Variants in IQCJ observed in about 807,000 individuals in gnomAD.
IQCJ encodes IQ motif containing J, also known as IQ domain-containing protein J.
A neutral mutation model predicts 11.0 loss-of-function variants in IQCJ; 9 were observed. The observed-to-expected ratio is 0.82, with a 90% confidence interval of 0.49 to 1.43. The LOEUF (loss-of-function observed/expected upper bound fraction) is 1.43. IQCJ is among the 40% of genes most tolerant of loss of function. The pLI is 0.00. For synonymous variants in IQCJ, 55 were observed against 51.3 expected, an observed-to-expected ratio of 1.07 and a Z score of -0.31; for missense variants, 146 against 133.2, an observed-to-expected ratio of 1.10 and a Z score of -0.47.
intron 1 of IQCJ, among the ~76,000 whole-genome samples, chr3:159,092,340 C>G (rs1717372392): frequency 6.6e-6 from 1 of 151,838 alleles, no homozygotes. Flanking sequence ...AACATAGCAT[C>G]CAAATGCACT....
chr3:159,218,018 TATA>T (rs756252332), intron 1 of IQCJ, among the ~76,000 whole-genome samples: 35 of 117,624 alleles, frequency 3.0e-4, no homozygotes, highest in Non-Finnish European at 5.3e-4. Context: ...AACAACAATA[TATA>T]ATAATATTAT....
chr3:159,092,343 A>G (rs983984174), intron 1 of IQCJ, among the ~76,000 whole-genome samples: 2 of 151,866 alleles, frequency 1.3e-5, no homozygotes, highest in African/African-American at 2.4e-5. Context: ...ATAGCATCCA[A>G]ATGCACTATG....
At chr3:159,143,239 G>A (rs1720731575) in intron 1 of IQCJ, among the ~76,000 whole-genome samples, 1 of 152,134 alleles carries the variant, frequency 6.6e-6, no homozygotes, top group Non-Finnish European at 1.5e-5. Flanking sequence ...TCCACAGCAG[G>A]ACCACATTTA....
At chr3:159,116,702 CTTTTA>C (rs1358212079) in intron 1 of IQCJ, among the ~76,000 whole-genome samples, 6 of 133,314 alleles carry the variant, frequency 4.5e-5, no homozygotes, top group South Asian at 2.4e-4. Flanking sequence ...CATCTGCTCT[CTTTTA>C]TTTTATTTTG....
chr3:159,145,001 T>C (rs1331502429), intron 1 of IQCJ, among the ~76,000 whole-genome samples: 1 of 150,980 alleles, frequency 6.6e-6, no homozygotes, highest in Non-Finnish European at 1.5e-5. Flanking sequence ...TCTTTTTCCT[T>C]TTCTTTTGCT....
rs1434977785 is a variant in IQCJ at position 159,219,288 on chromosome 3, A to AT, written c.10-26548dup. Reference sequence around the variant, plus strand: ...GAGGAAATAAAACTACAGACTCAGAATTTTTTTCAAACTTAGAATTTAAAA... The same window carrying AT: ...GAGGAAATAAAACTACAGACTCAGAATTTTTTTTCAAACTTAGAATTTAAAA... On this transcript the variant is annotated intron_variant, in intron 1 of 3. Transcript: ENST00000397832. Among the ~76,000 whole-genome samples the AT allele has an allele frequency of 3.3e-5, 5 of 152,014 alleles. No individual in the cohort carries two copies. In the East Asian group the frequency reaches 9.7e-4, roughly 29 times the overall value.
At chr3:159,204,547 G>A (rs1724537082) in intron 1 of IQCJ, among the ~76,000 whole-genome samples, 2 of 152,216 alleles carry the variant, frequency 1.3e-5, no homozygotes, top group African/African-American at 4.8e-5. Flanking sequence ...AGTGGAAGCT[G>A]TTAGTTTATC....
chr3:159,108,501 A>G (rs1157865140), intron 1 of IQCJ, among the ~76,000 whole-genome samples: 1 of 152,226 alleles, frequency 6.6e-6, no homozygotes. Context: ...AAAATAGGTG[A>G]TGAGAAAAGA....
chr3:159,189,895 C>T (rs2108037063), intron 1 of IQCJ, among the ~76,000 whole-genome samples: 1 of 152,280 alleles, frequency 6.6e-6, no homozygotes, highest in Admixed American at 6.5e-5. Context: ...TGATCTCTCC[C>T]TCCTCAAGTC....
At chr3:159,165,788 A>ATTTTTTT (rs35878681) in intron 1 of IQCJ, among the ~76,000 whole-genome samples, 3 of 106,518 alleles carry the variant, frequency 2.8e-5, no homozygotes, top group African/African-American at 3.6e-5. Flanking sequence ...TAATTTTTGT[A>ATTTTTTT]TTTTTTTTTT....
chr3:159,227,785 C>T (rs1051177588), intron 1 of IQCJ, among the ~76,000 whole-genome samples: 2 of 152,188 alleles, frequency 1.3e-5, no homozygotes, highest in South Asian at 2.1e-4. Flanking sequence ...AATGCATTTT[C>T]GGAAGAGCCT....
At chr3:159,160,460 G>T (rs572256475) in intron 1 of IQCJ, among the ~76,000 whole-genome samples, 1 of 151,600 alleles carries the variant, frequency 6.6e-6, no homozygotes, top group African/African-American at 2.4e-5. Context: ...GTGCCATCAC[G>T]CCCAGCTGAT....
intron 1 of IQCJ, among the ~76,000 whole-genome samples, chr3:159,078,191 A>C (rs1186243770): frequency 2.4e-5 from 2 of 82,972 alleles, no homozygotes; most frequent in African/African-American, 6.0e-5. Flanking sequence ...AGGACTTATT[A>C]ATGCTAAACA....
At chr3:159,239,471 A>T (rs1383252873) in intron 1 of IQCJ, among the ~76,000 whole-genome samples, 3 of 152,246 alleles carry the variant, frequency 2.0e-5, no homozygotes, top group Non-Finnish European at 4.4e-5. Context: ...GAGAAAAAAA[A>T]AATAGAAGAA....
At chr3:159,073,208 C>T (rs373923642) in intron 1 of IQCJ, among the ~76,000 whole-genome samples, 3 of 152,038 alleles carry the variant, frequency 2.0e-5, no homozygotes, top group East Asian at 3.9e-4. Context: ...GGGGGCTCCC[C>T]GAAAGAGCAT....
chr3:159,162,772 C>T (rs1446966019), intron 1 of IQCJ, among the ~76,000 whole-genome samples: 6 of 152,128 alleles, frequency 3.9e-5, no homozygotes, highest in African/African-American at 7.2e-5. Flanking sequence ...ATACAAACTA[C>T]CGTCAGAGAA....
chr3:159,183,568 T>A (rs1178809692), intron 1 of IQCJ, among the ~76,000 whole-genome samples: 1 of 152,212 alleles, frequency 6.6e-6, no homozygotes, highest in Non-Finnish European at 1.5e-5. Flanking sequence ...CAAGGTTAGC[T>A]AGGCTTGACA....
At chr3:159,234,964 T>C (rs1726490559) in intron 1 of IQCJ, among the ~76,000 whole-genome samples, 1 of 152,220 alleles carries the variant, frequency 6.6e-6, no homozygotes, top group African/African-American at 2.4e-5. Context: ...ATAAACAATT[T>C]GGGAGTTACA....
intron 1 of IQCJ, among the ~76,000 whole-genome samples, chr3:159,149,393 G>C (rs1432674120): frequency 6.6e-6 from 1 of 152,152 alleles, no homozygotes; most frequent in Admixed American, 6.6e-5. Flanking sequence ...TATTAGATGT[G>C]AACAGCTTCT....
Sources: allele counts gnomAD v4.1 joint callset (sites outside exome capture counted in the v4.1 genomes callset), GRCh38; gene constraint gnomAD v4.1.1; transcripts MANE v1.5; gene names NCBI Gene and HGNC (gene_info 2026-07-23, HGNC 2026-07-21).